The following CLOCK variants were observed in gnomAD, a reference collection of about 807,000 sequenced individuals.
CLOCK encodes circadian locomoter output cycles protein kaput.
Under a neutral mutation model 118.4 loss-of-function variants are expected in CLOCK, and 43 were observed. That is an observed-to-expected ratio of 0.36 (90% CI 0.28 to 0.47). The LOEUF (loss-of-function observed/expected upper bound fraction) is 0.47. Ranked by LOEUF, CLOCK falls within the 20% of genes least tolerant of loss-of-function variation. The probability of loss-of-function intolerance (pLI) is 1.00; values close to 1 mark genes in which losing one functional copy is unlikely to be tolerated. For missense variants in CLOCK, 846 were observed against 999.9 expected (o/e 0.85, Z 2.08); for synonymous variants, 326 against 339.2 (o/e 0.96, Z 0.43).
intron 21 of CLOCK, among the ~76,000 whole-genome samples, chr4:55,440,605 A>G (rs1054273041): frequency 6.6e-6 from 1 of 152,260 alleles, no homozygotes; most frequent in African/African-American, 2.4e-5. Flanking sequence ...AAAAAGAATT[A>G]AAATTGTCCA....
chr4:55,454,486 G>A (rs570694222), intron 13 of CLOCK, among the ~76,000 whole-genome samples: 18 of 151,776 alleles, frequency 1.2e-4, no homozygotes, highest in African/African-American at 3.9e-4. Flanking sequence ...ATGGTGGTAC[G>A]TGCCTGTAAT....
At chr4:55,519,396 A>G (rs1398650375) in intron 1 of CLOCK, among the ~76,000 whole-genome samples, 1 of 152,146 alleles carries the variant, frequency 6.6e-6, no homozygotes, top group Non-Finnish European at 1.5e-5. Flanking sequence ...TTCTTTCCAG[A>G]GCAGGGCTTG....
At chr4:55,460,479 G>C (rs1560431734) in intron 9 of CLOCK, among the ~76,000 whole-genome samples, 1 of 152,168 alleles carries the variant, frequency 6.6e-6, no homozygotes, top group Non-Finnish European at 1.5e-5. Flanking sequence ...TCCCAAGTTA[G>C]AAACCGTTAA....
intron 2 of CLOCK, among the ~76,000 whole-genome samples, chr4:55,490,094 T>TG (rs1553898256): frequency 4.7e-5 from 7 of 147,524 alleles, no homozygotes; most frequent in African/African-American, 1.7e-4. Context: ...TGAATGGATT[T>TG]AAAAAAAAAA....
rs1722618821 is a variant in CLOCK, at chr4:55,432,981, A to G, written c.*2434T>C. ...ACCTAAGTAGTACTCACAGTTCACC[A>G]TCTTTTAAGTGTGGTATGTAGAGGA... On this transcript the variant is annotated 3_prime_UTR_variant, in exon 23 of 23. Transcript: ENST00000513440. 6.6e-6 allele frequency: 1 copy of G among 152,632 alleles called. No homozygotes were observed. Among genetic ancestry groups the G allele is most frequent in the Admixed American group, 6.5e-5 (1 of 15,280 alleles). 9.5% of individuals were successfully genotyped at this position (152,632 alleles called of 1,614,324 possible).
chr4:55,450,042 T>G, intron 16 of CLOCK, 49 bp downstream of exon 16: 1 of 1,598,032 alleles, frequency 6.3e-7, no homozygotes, highest in Non-Finnish European at 8.6e-7. Flanking sequence ...TAACTAAAAG[T>G]TTAGTTAGTT....
intron 1 of CLOCK, among the ~76,000 whole-genome samples, chr4:55,545,071 T>TTTTAC (rs1731522041): frequency 6.6e-6 from 1 of 152,008 alleles, no homozygotes; most frequent in Non-Finnish European, 1.5e-5. Context: ...TTTTTACTTT[T>TTTTAC]TTTATTATTA....
intron 7 of CLOCK, among the ~76,000 whole-genome samples, chr4:55,471,042 AAGAT>A (rs1335480768): frequency 1.3e-5 from 2 of 152,168 alleles, no homozygotes; most frequent in African/African-American, 2.4e-5. Context: ...TGGTCTCTAA[AAGAT>A]AGAGACAATG....
chr4:55,479,175 C>T, intron 5 of CLOCK: 1 of 447,634 alleles, frequency 2.2e-6, no homozygotes, highest in Non-Finnish European at 3.9e-6. Context: ...ATACATTTGA[C>T]AAACATGTTT....
intron 11 of CLOCK, among the ~76,000 whole-genome samples, chr4:55,457,582 G>A (rs1725004792): frequency 6.6e-6 from 1 of 151,518 alleles, no homozygotes; most frequent in African/African-American, 2.4e-5. Flanking sequence ...TCTTCAGCAT[G>A]GAGAAATAAA....
chr4:55,515,462 C>T (rs1033356083), intron 1 of CLOCK, among the ~76,000 whole-genome samples: 3 of 152,170 alleles, frequency 2.0e-5, no homozygotes, highest in Non-Finnish European at 4.4e-5. Flanking sequence ...GCAGCCTCCG[C>T]CTCCCGGGTT....
At chr4:55,538,989 T>C (rs2110110252) in intron 1 of CLOCK, among the ~76,000 whole-genome samples, 1 of 152,298 alleles carries the variant, frequency 6.6e-6, no homozygotes, top group East Asian at 1.9e-4. Flanking sequence ...CCTAGCACTT[T>C]GGGAGGCCAA....
In CLOCK at chr4:55,431,728, A is replaced by G. The variant is rs1722516587; in HGVS notation, c.*3687T>C. Reference sequence around the variant, plus strand: ...GAAACAGAAAGAAAAAAGCAGAAATACTAAAGTAAAATGCTATTTGCATTC... The same window carrying G: ...GAAACAGAAAGAAAAAAGCAGAAATGCTAAAGTAAAATGCTATTTGCATTC... On this transcript the variant is annotated 3_prime_UTR_variant, in exon 23 of 23. Coordinates refer to ENST00000513440, the MANE Select transcript of CLOCK (RefSeq NM_004898.4). 2 of 152,252 alleles carry G rather than the reference A, an allele frequency of 1.3e-5. No homozygotes were observed. The highest frequency in any genetic ancestry group is 2.4e-5 in the African/African-American group (1 of 41,460). The allele number at this position is 152,252 out of a possible 1,614,324, so 9.4% of individuals were successfully genotyped here. A position where few individuals can be genotyped will look rare whatever the true frequency, so the allele number is the denominator to read the frequency against.
intron 4 of CLOCK, 21 bp from the exon 5 acceptor site, chr4:55,479,720 A>G: frequency 6.2e-7 from 1 of 1,601,848 alleles, no homozygotes; most frequent in Non-Finnish European, 8.6e-7. Flanking sequence ...GCGGATAGAG[A>G]AAGTAAGAGC....
chr4:55,452,788 T>TA, intron 15 of CLOCK: 1 of 270,776 alleles, frequency 3.7e-6, no homozygotes, highest in East Asian at 7.5e-5. Context: ...TCATAATTCA[T>TA]ATAAATAACC....
chr4:55,477,033 G>A (rs931668415), intron 6 of CLOCK, among the ~76,000 whole-genome samples: 7 of 151,964 alleles, frequency 4.6e-5, no homozygotes, highest in South Asian at 2.1e-4. Context: ...CTAAATGTGC[G>A]GAATACAGTT....
chr4:55,456,908 G>A (rs1724959828), intron 11 of CLOCK, among the ~76,000 whole-genome samples: 1 of 152,082 alleles, frequency 6.6e-6, no homozygotes, highest in South Asian at 2.1e-4. Flanking sequence ...TTCAACTCCT[G>A]GGCTCAAGCA....
At chr4:55,476,116 C>A in intron 6 of CLOCK, 62 bp from the exon 7 acceptor site, 1 of 1,048,072 alleles carries the variant, frequency 9.5e-7, no homozygotes, top group Non-Finnish European at 1.5e-6. Flanking sequence ...AAAAGCCCTA[C>A]AAGTTATCTT....
At chr4:55,453,028 A>T (rs1431906788) in intron 15 of CLOCK, 26 bp downstream of exon 15, 12 of 1,503,602 alleles carry the variant, frequency 8.0e-6, no homozygotes, top group East Asian at 4.8e-5. Context: ...ATTAAAAATA[A>T]TTTTTTTTAA....
Sources: gnomAD v4.1 joint callset for allele counts (sites outside exome capture counted in the v4.1 genomes callset) on GRCh38, gnomAD v4.1.1 for gene constraint, MANE v1.5 for transcripts, NCBI Gene and HGNC (gene_info 2026-07-23, HGNC 2026-07-21) for gene names.